Variants in NRXN3 observed in about 807,000 individuals in gnomAD.
NRXN3 encodes the protein neurexin III.
In NRXN3, 32 loss-of-function variants were observed where a neutral mutation model predicts 137.6. That is an observed-to-expected ratio of 0.23 (90% CI 0.18 to 0.31). The LOEUF (loss-of-function observed/expected upper bound fraction) is 0.31. NRXN3 is among the 10% of genes least tolerant of loss of function. The probability of loss-of-function intolerance (pLI) is 1.00; values close to 1 mark genes in which losing one functional copy is unlikely to be tolerated. For missense variants in NRXN3, 1,574 were observed against 2,062.5 expected (o/e 0.76, Z 4.59); for synonymous variants, 798 against 784.5 (o/e 1.02, Z -0.29).
chr14:78,268,130 G>A (rs2072099718), intron 2 of NRXN3, among the ~76,000 whole-genome samples: 1 of 152,134 alleles, frequency 6.6e-6, no homozygotes, highest in African/African-American at 2.4e-5. Context: ...AATTTTCAGT[G>A]ATCTAAAAAC....
intron 15 of NRXN3, among the ~76,000 whole-genome samples, chr14:79,006,654 A>T (rs977202972): frequency 1.3e-5 from 2 of 152,300 alleles, no homozygotes; most frequent in East Asian, 3.9e-4. Context: ...TATTATCCAG[A>T]CAGCACATAT....
rs1596641432 is a variant in NRXN3, at chr14:78,864,844, A to T, written c.2275+54500A>T. 2.6e-5 allele frequency among the ~76,000 whole-genome samples: 4 copies of T among 152,226 alleles called. No homozygotes were observed. In the South Asian group the frequency reaches 6.2e-4, roughly 24 times the overall value. Reference sequence around the variant, plus strand: ...AAACTTAGCAAGGCCTATTGTTCAGATTCTTCCTGGTGTCTCTGTGTGTTC... The same window carrying T: ...AAACTTAGCAAGGCCTATTGTTCAGTTTCTTCCTGGTGTCTCTGTGTGTTC... On this transcript the variant is annotated intron_variant, in intron 10 of 20. Transcript: ENST00000335750.
At chr14:78,800,142 C>T (rs1018989874) in intron 8 of NRXN3, among the ~76,000 whole-genome samples, 2 of 152,050 alleles carry the variant, frequency 1.3e-5, no homozygotes, top group Non-Finnish European at 2.9e-5. Context: ...TATGGATGTG[C>T]TTTGGTGCTT....
chr14:79,853,498 G>C, intron 20 of NRXN3: 1 of 1,209,822 alleles, frequency 8.3e-7, no homozygotes, highest in Non-Finnish European at 1.1e-6. Context: ...GGCATGTGTA[G>C]GCTCATTTGT....
chr14:79,528,983 G>A (rs2097145971), intron 16 of NRXN3, among the ~76,000 whole-genome samples: 1 of 152,114 alleles, frequency 6.6e-6, no homozygotes, highest in Admixed American at 6.5e-5. Context: ...TGACAATGGG[G>A]ACATGTATGT....
intron 8 of NRXN3, among the ~76,000 whole-genome samples, chr14:78,759,843 T>C (rs2098685816): frequency 6.6e-6 from 1 of 152,158 alleles, no homozygotes; most frequent in Non-Finnish European, 1.5e-5. Context: ...AGCTTGATTA[T>C]TGAGTGCTTA....
chr14:78,987,907 T>C, intron 14 of NRXN3, 115 bp from the exon 15 acceptor site: 1 of 1,216,338 alleles, frequency 8.2e-7, no homozygotes, highest in Non-Finnish European at 1.1e-6. Flanking sequence ...TGGTGTGTCT[T>C]CAAATGTTTG....
chr14:79,786,467 T>TTTATTGC (rs1310743912), intron 19 of NRXN3, among the ~76,000 whole-genome samples: 1 of 152,206 alleles, frequency 6.6e-6, no homozygotes, highest in African/African-American at 2.4e-5. Context: ...TGTGTAAGCA[T>TTTATTGC]TTATTGCTTT....
chr14:78,803,951 AC>A (rs2098847241), intron 9 of NRXN3, 128 bp downstream of exon 9: 2 of 878,158 alleles, frequency 2.3e-6, no homozygotes, highest in East Asian at 5.3e-5. Flanking sequence ...TGTTTAACAG[AC>A]CCAGGATAAA....
intron 15 of NRXN3, among the ~76,000 whole-genome samples, chr14:79,233,304 C>G: frequency 6.6e-6 from 1 of 152,120 alleles, no homozygotes; most frequent in Non-Finnish European, 1.5e-5. Flanking sequence ...TGGTGGGAGT[C>G]AACTGTGCGC....
At chr14:79,459,301 T>G (rs56034924) in intron 15 of NRXN3, among the ~76,000 whole-genome samples, 6,621 of 151,910 alleles carry the variant, frequency 0.044, 495 homozygotes, top group African/African-American at 0.15. Context: ...CATTTGAAGA[T>G]AGGGTTTTCT....
At chr14:79,799,339 T>A (rs1356831347) in intron 19 of NRXN3, among the ~76,000 whole-genome samples, 1 of 152,156 alleles carries the variant, frequency 6.6e-6, no homozygotes, top group East Asian at 1.9e-4. Context: ...AGAAAGCAAG[T>A]TAAGGTGCTT....
chr14:78,961,812 C>G (rs1201103847), intron 11 of NRXN3, among the ~76,000 whole-genome samples: 1 of 152,184 alleles, frequency 6.6e-6, no homozygotes, highest in Admixed American at 6.5e-5. Context: ...GAAGCTACAG[C>G]TTGAACCTGG....
At chr14:79,783,244 G>A (rs1345869101) in intron 19 of NRXN3, among the ~76,000 whole-genome samples, 2 of 152,220 alleles carry the variant, frequency 1.3e-5, no homozygotes, top group African/African-American at 4.8e-5. Flanking sequence ...TTAATTGGCA[G>A]TTAGTGACGA....
At chr14:78,442,532 A>G (rs2094293407) in intron 4 of NRXN3, among the ~76,000 whole-genome samples, 2 of 152,224 alleles carry the variant, frequency 1.3e-5, no homozygotes, top group Admixed American at 1.3e-4. Flanking sequence ...GTTCTAAGCC[A>G]TCCAGTCTGT....
At chr14:79,481,964 G>T (rs1036024756) in intron 16 of NRXN3, among the ~76,000 whole-genome samples, 5 of 152,108 alleles carry the variant, frequency 3.3e-5, no homozygotes, top group African/African-American at 4.8e-5. Flanking sequence ...TGTCAGAAGT[G>T]CAAAAGCCTG....
At chr14:78,626,430 C>A (rs1238302597) in intron 4 of NRXN3, among the ~76,000 whole-genome samples, 1 of 152,158 alleles carries the variant, frequency 6.6e-6, no homozygotes, top group Non-Finnish European at 1.5e-5. Flanking sequence ...TTAAAGGCAT[C>A]AATCGTTATT....
At chr14:78,337,190 G>A (rs58024876) in intron 4 of NRXN3, among the ~76,000 whole-genome samples, 5,467 of 152,178 alleles carry the variant, frequency 0.036, 275 homozygotes, top group African/African-American at 0.12. Flanking sequence ...CACAGTAATG[G>A]ACATGTATGG....
chr14:79,377,727 G>T lies in NRXN3; in HGVS notation c.3263-89494G>T, dbSNP rs190051247. Among the ~76,000 whole-genome samples, 27 of 152,330 alleles carry T rather than the reference G, an allele frequency of 1.8e-4. No homozygotes were observed. In the East Asian group the frequency reaches 3.1e-3, roughly 17 times the overall value. On this transcript the variant is annotated intron_variant, in intron 15 of 20. Coordinates refer to ENST00000335750, the MANE Select transcript of NRXN3 (RefSeq NM_001330195.2). ...GCCAAGATAGTGCCACCGCACTCCA[G>T]CCTGGGCAACAGAGCTAGACTCTGT...
Sources: gnomAD v4.1 joint callset for allele counts (sites outside exome capture counted in the v4.1 genomes callset) on GRCh38, gnomAD v4.1.1 for gene constraint, MANE v1.5 for transcripts, NCBI Gene and HGNC (gene_info 2026-07-23, HGNC 2026-07-21) for gene names.